KAZN: variants seen among roughly 807,000 people sequenced by gnomAD.
KAZN encodes kazrin.
KAZN carries 40 observed loss-of-function variants against 87.4 expected under a neutral mutation model. The ratio of observed to expected loss-of-function variants is 0.46; its 90% CI spans 0.36 to 0.60. The LOEUF (loss-of-function observed/expected upper bound fraction) is 0.60. KAZN is among the 20% of genes least tolerant of loss of function. The pLI, the probability that KAZN is intolerant of heterozygous loss-of-function variation, is 0.00. For synonymous variants in KAZN, 466 were observed against 458.3 expected (o/e 1.02, Z -0.22); for missense variants, 898 against 1,073.9 (o/e 0.84, Z 2.29).
intron 1 of KAZN, among the ~76,000 whole-genome samples, chr1:13,958,904 G>C (rs944881138): frequency 2.0e-5 from 3 of 152,116 alleles, no homozygotes; most frequent in African/African-American, 7.2e-5. Flanking sequence ...AGAATTATAG[G>C]CTCTACTAGA....
chr1:14,842,595 T>C (rs1430924412), intron 1 of KAZN, among the ~76,000 whole-genome samples: 1 of 152,238 alleles, frequency 6.6e-6, no homozygotes, highest in Non-Finnish European at 1.5e-5. Flanking sequence ...CTGAATGGAA[T>C]TGACATCTGT....
chr1:14,467,671 A>C (rs527633403), intron 2 of KAZN, among the ~76,000 whole-genome samples: 1 of 127,502 alleles, frequency 7.8e-6, no homozygotes, highest in Admixed American at 8.8e-5. Context: ...TGTATCCAAA[A>C]GGCAAAAAAA....
chr1:14,905,620 C>T (rs1007400310), intron 1 of KAZN, among the ~76,000 whole-genome samples: 5 of 152,064 alleles, frequency 3.3e-5, no homozygotes, highest in Non-Finnish European at 7.4e-5. Flanking sequence ...CTGAGGAGGG[C>T]GGATCACAAG....
At chr1:14,960,999 G>A in intron 2 of KAZN, 124 bp downstream of exon 2, 2 of 996,972 alleles carry the variant, frequency 2.0e-6, no homozygotes, top group Non-Finnish European at 1.4e-6. Context: ...ACCTCCAGCT[G>A]TGGCTGCCCT....
intron 1 of KAZN, among the ~76,000 whole-genome samples, chr1:14,103,958 T>C (rs1570745852): frequency 6.6e-6 from 1 of 152,298 alleles, no homozygotes; most frequent in East Asian, 1.9e-4. Flanking sequence ...AACATCTCTT[T>C]ACTGTGCAGG....
intron 1 of KAZN, among the ~76,000 whole-genome samples, chr1:14,646,415 C>A (rs551255374): frequency 6.6e-6 from 1 of 152,206 alleles, no homozygotes; most frequent in Admixed American, 6.5e-5. Flanking sequence ...GTCTCAAAAA[C>A]AGAACAAAAC....
At chr1:14,728,915 A>G (rs1053677267) in intron 1 of KAZN, among the ~76,000 whole-genome samples, 5 of 152,200 alleles carry the variant, frequency 3.3e-5, no homozygotes, top group Non-Finnish European at 7.3e-5. Flanking sequence ...TAAACACTCC[A>G]TAAAGTTTCC....
intron 1 of KAZN, among the ~76,000 whole-genome samples, chr1:14,145,343 C>T (rs1403949895): frequency 6.6e-6 from 1 of 152,016 alleles, no homozygotes; most frequent in East Asian, 1.9e-4. Flanking sequence ...TCTCAGGAGG[C>T]TGAGGTGGGA....
intron 1 of KAZN, among the ~76,000 whole-genome samples, chr1:14,787,087 A>G (rs1340984875): frequency 2.0e-5 from 3 of 152,144 alleles, no homozygotes; most frequent in Non-Finnish European, 4.4e-5. Context: ...TTCCTGGAGG[A>G]CAGAATGGGC....
At chr1:15,047,796 C>T (rs538405394) in intron 4 of KAZN, among the ~76,000 whole-genome samples, 5 of 152,182 alleles carry the variant, frequency 3.3e-5, no homozygotes, top group East Asian at 1.9e-4. Context: ...CCCCCAGCTG[C>T]GGAGGTGGGG....
intron 2 of KAZN, among the ~76,000 whole-genome samples, chr1:14,972,868 A>G (rs1440371408): frequency 6.6e-6 from 1 of 152,040 alleles, no homozygotes; most frequent in Non-Finnish European, 1.5e-5. Context: ...CAAAGGAGGT[A>G]GCAGGGCTTT....
intron 2 of KAZN, among the ~76,000 whole-genome samples, chr1:14,360,182 ATTAAGT>A (rs1428325558): frequency 1.3e-5 from 2 of 151,924 alleles, no homozygotes; most frequent in Non-Finnish European, 2.9e-5. Context: ...ACTTTATTTC[ATTAAGT>A]TTATTTTCAA....
At chr1:14,371,164 TCA>T (rs1660448921) in intron 2 of KAZN, among the ~76,000 whole-genome samples, 1 of 152,168 alleles carries the variant, frequency 6.6e-6, no homozygotes, top group Non-Finnish European at 1.5e-5. Context: ...AGTTCCAGGT[TCA>T]GTTAGTTGGT....
chr1:15,015,252 A>C (rs1669970575), intron 2 of KAZN, among the ~76,000 whole-genome samples: 1 of 151,900 alleles, frequency 6.6e-6, no homozygotes, highest in Non-Finnish European at 1.5e-5. Flanking sequence ...TCCCAGGTTC[A>C]AGCAATTCTT....
At chr1:14,597,158 G>C (rs1676561070), upstream of KAZN, among the ~76,000 whole-genome samples, 1 of 152,198 alleles carries the variant, frequency 6.6e-6, no homozygotes, top group Non-Finnish European at 1.5e-5. Flanking sequence ...AAGTGCCTTG[G>C]TTGGTCCAGT....
chr1:14,371,033 G>A lies in KAZN; in HGVS notation c.249+190441G>A, dbSNP rs150367265. Among the ~76,000 whole-genome samples the A allele has an allele frequency of 5.7e-3, 867 of 152,252 alleles. 15 individuals are homozygous for A. The highest frequency in any genetic ancestry group is 0.02 in the African/African-American group (821 of 41,526). On this transcript the variant is annotated intron_variant, in intron 2 of 16. Coordinates refer to the KAZN transcript ENST00000636203. ...CATAATGGACACTATTGAACCAGGG[G>A]TAGGTGATGAGCTCAACACTCATAA...
intron 2 of KAZN, among the ~76,000 whole-genome samples, chr1:14,566,941 A>G (rs1571948771): frequency 6.6e-6 from 1 of 152,222 alleles, no homozygotes. Context: ...ATCAGCAACA[A>G]GGCTCTTTTT....
intron 2 of KAZN, among the ~76,000 whole-genome samples, chr1:14,248,518 A>G (rs1649720172): frequency 1.3e-5 from 2 of 152,226 alleles, no homozygotes; most frequent in South Asian, 4.1e-4. Context: ...AGCTGCTCCT[A>G]GCCCAGTTCA....
At chr1:14,864,418 C>T (rs1651216466) in intron 1 of KAZN, among the ~76,000 whole-genome samples, 1 of 152,114 alleles carries the variant, frequency 6.6e-6, no homozygotes, top group African/African-American at 2.4e-5. Context: ...CAAAAATTAG[C>T]TGGACGTGGG....
Sources: gnomAD v4.1 joint callset for allele counts (sites outside exome capture counted in the v4.1 genomes callset) on GRCh38, gnomAD v4.1.1 for gene constraint, MANE v1.5 for transcripts, NCBI Gene and HGNC (gene_info 2026-07-23, HGNC 2026-07-21) for gene names.